VPS8: variants seen among roughly 807,000 people sequenced by gnomAD.
VPS8 encodes vacuolar protein sorting-associated protein 8 homolog.
VPS8 carries 129 observed loss-of-function variants against 216.4 expected under a neutral mutation model. The observed-to-expected ratio is 0.60, with a 90% CI of 0.52 to 0.69. VPS8 has a LOEUF of 0.69. Among genes scored for constraint, VPS8 ranks in the 30% least tolerant of loss-of-function variants. The probability of loss-of-function intolerance (pLI) is 0.00; values close to 1 mark genes in which losing one functional copy is unlikely to be tolerated. For missense variants in VPS8, 1,531 were observed against 1,683.5 expected (o/e 0.91, Z 1.59); for synonymous variants, 571 against 565.4 (o/e 1.01, Z -0.14).
intron 42 of VPS8, among the ~76,000 whole-genome samples, chr3:184,992,796 C>T (rs145640149): frequency 6.6e-6 from 1 of 152,192 alleles, no homozygotes; most frequent in East Asian, 1.9e-4. Flanking sequence ...AGCCAAAGGT[C>T]AGTGAAGTGA....
At chr3:184,939,325 A>T (rs1248749633) in intron 35 of VPS8, among the ~76,000 whole-genome samples, 1 of 151,992 alleles carries the variant, frequency 6.6e-6, no homozygotes, top group Non-Finnish European at 1.5e-5. Flanking sequence ...TATATTTTTA[A>T]ATCATATTTT....
chr3:184,902,119 C>G (rs10937191), intron 25 of VPS8, among the ~76,000 whole-genome samples: 82,538 of 147,756 alleles, frequency 0.56, 23,784 homozygotes, highest in Middle Eastern at 0.69. Flanking sequence ...TAGCCCCCCC[C>G]CCCTTTTTTT....
chr3:184,894,206 C>T (rs929857544), intron 22 of VPS8, among the ~76,000 whole-genome samples: 1 of 152,002 alleles, frequency 6.6e-6, no homozygotes, highest in Non-Finnish European at 1.5e-5. Flanking sequence ...GACTGCAGGT[C>T]AGCTAGGAAT....
At chr3:184,858,532 A>G (rs6809079) in intron 14 of VPS8, among the ~76,000 whole-genome samples, 71,346 of 151,866 alleles carry the variant, frequency 0.47, 17,760 homozygotes, top group East Asian at 0.67. Flanking sequence ...TCTAGATTAG[A>G]AGACGAAAGT....
chr3:184,895,877 G>A lies in VPS8; in HGVS notation c.2004+952G>A, dbSNP rs1002866031. Among the ~76,000 whole-genome samples the A allele has an allele frequency of 4.6e-5, 7 of 150,838 alleles. 1 individual carries two copies. Among genetic ancestry groups the A allele is most frequent in the South Asian group, 4.2e-4 (2 of 4,750 alleles). On this transcript the variant is annotated intron_variant, in intron 23 of 47. Coordinates refer to ENST00000625842, the MANE Select transcript of VPS8 (RefSeq NM_001009921.3). ...TCGAACTTTTGACTTCAAGTGATTC[G>A]CCTGCCGTGGCCTTCCAAAGTGCTG...
intron 44 of VPS8, among the ~76,000 whole-genome samples, chr3:184,999,289 C>G (rs1027962718): frequency 5.9e-5 from 9 of 152,158 alleles, no homozygotes; most frequent in African/African-American, 2.2e-4. Flanking sequence ...AAACTCCTAA[C>G]CTCAGCTGAT....
At chr3:184,869,646 A>C (rs1467134564) in intron 20 of VPS8, 118 bp downstream of exon 20, 22 of 933,592 alleles carry the variant, frequency 2.4e-5, no homozygotes, top group East Asian at 8.1e-5. Flanking sequence ...TGTATTAAAA[A>C]ACACACACAC....
At chr3:185,036,204 CAG>C (rs1758851910) in intron 46 of VPS8, among the ~76,000 whole-genome samples, 1 of 152,126 alleles carries the variant, frequency 6.6e-6, no homozygotes, top group Admixed American at 6.5e-5. Context: ...AATTTACAGT[CAG>C]TGCTATTCCT....
In VPS8 at chr3:185,014,302, C is replaced by T. The variant is rs144677631; in HGVS notation, c.4003-10034C>T. The stretch of plus-strand genomic sequence containing the variant: ...TCCCTAAGTAGGTGGCTGTGTTCGA[C>T]GGGTGTTGCTCATGACAGTTGGGGT... On this transcript the variant is annotated intron_variant, in intron 45 of 47. Transcript: ENST00000625842. Among the ~76,000 whole-genome samples the T allele has an allele frequency of 9.1e-3, 1,383 of 152,196 alleles. 19 individuals are homozygous for T. The highest frequency in any genetic ancestry group is 0.032 in the African/African-American group (1,343 of 41,526).
At position 184,930,951 on chromosome 3, in the gene VPS8, T is replaced by C. The variant is rs575500492; in HGVS notation, c.2898+383T>C. On this transcript the variant is annotated intron_variant, in intron 34 of 47. Transcript: ENST00000625842. ...CAATGAGTTTTCTCTCTGATGTGTT[T>C]CTCTTCCTTATATAACAGGATGATG... 5.3e-5 allele frequency among the ~76,000 whole-genome samples: 8 copies of C among 152,344 alleles called. No individual in the cohort carries two copies. In the East Asian group the frequency reaches 1.5e-3, roughly 29 times the overall value.
At chr3:184,874,412 CA>C (rs1728880720) in intron 21 of VPS8, among the ~76,000 whole-genome samples, 1 of 152,098 alleles carries the variant, frequency 6.6e-6, no homozygotes, top group Non-Finnish European at 1.5e-5. Context: ...AAGTTTTTAT[CA>C]TTGATTTGGG....
At chr3:184,954,132 T>C (rs1745180305) in intron 36 of VPS8, among the ~76,000 whole-genome samples, 1 of 152,126 alleles carries the variant, frequency 6.6e-6, no homozygotes, top group Admixed American at 6.5e-5. Context: ...TAATAAAGGA[T>C]ATTACAAAGG....
At chr3:184,873,025 C>A (rs561609918) in intron 21 of VPS8, among the ~76,000 whole-genome samples, 1 of 152,134 alleles carries the variant, frequency 6.6e-6, no homozygotes, top group South Asian at 2.1e-4. Flanking sequence ...CAGACTGTGC[C>A]TACCACAATG....
chr3:184,905,535 A>G (rs937425620), intron 25 of VPS8, among the ~76,000 whole-genome samples: 2 of 150,270 alleles, frequency 1.3e-5, no homozygotes, highest in African/African-American at 2.4e-5. Context: ...CATAGAATCA[A>G]TTTTGATTTC....
At chr3:184,875,912 C>G (rs947538714) in intron 21 of VPS8, among the ~76,000 whole-genome samples, 1 of 151,720 alleles carries the variant, frequency 6.6e-6, no homozygotes, top group Non-Finnish European at 1.5e-5. Context: ...TTCACTTGAG[C>G]CCGGGAGGTT....
At chr3:184,839,505 T>A in intron 6 of VPS8, 193 bp from the exon 7 acceptor site, 1 of 565,910 alleles carries the variant, frequency 1.8e-6, no homozygotes, top group South Asian at 2.4e-5. Context: ...TAGAGTAAAT[T>A]TAGAGGGATT....
At chr3:185,030,422 G>A (rs1757955552) in intron 46 of VPS8, among the ~76,000 whole-genome samples, 1 of 151,638 alleles carries the variant, frequency 6.6e-6, no homozygotes, top group Non-Finnish European at 1.5e-5. Context: ...AAGCTGAGGG[G>A]CCAGGTGCTC....
intron 46 of VPS8, among the ~76,000 whole-genome samples, chr3:185,029,540 G>A (rs1425066781): frequency 6.6e-6 from 1 of 151,952 alleles, no homozygotes; most frequent in Non-Finnish European, 1.5e-5. Flanking sequence ...GCATGTCAGA[G>A]TGTGCATCAC....
At chr3:184,957,606 A>T (rs1745831824) in intron 37 of VPS8, 85 bp downstream of exon 37, 3 of 1,404,684 alleles carry the variant, frequency 2.1e-6, no homozygotes, top group Admixed American at 2.8e-5. Flanking sequence ...AGGGGAAAAA[A>T]TATATAATTT....
Sources: allele counts gnomAD v4.1 joint callset (sites outside exome capture counted in the v4.1 genomes callset), GRCh38; gene constraint gnomAD v4.1.1; transcripts MANE v1.5; gene names NCBI Gene and HGNC (gene_info 2026-07-23, HGNC 2026-07-21).